PKDCC: variants seen among roughly 807,000 people sequenced by gnomAD.
PKDCC encodes protein kinase domain containing, cytoplasmic.
A neutral mutation model predicts 44.7 loss-of-function variants in PKDCC; 35 were observed. That is an observed-to-expected ratio of 0.78 (90% CI 0.60 to 1.04). The LOEUF is 1.04. Among genes scored for constraint, PKDCC ranks in the 50% least tolerant of loss-of-function variants. The probability of loss-of-function intolerance (pLI) is 0.00; values close to 1 mark genes in which losing one functional copy is unlikely to be tolerated. For synonymous variants in PKDCC, 353 were observed against 303.3 expected (o/e 1.16, Z -1.70); for missense variants, 738 against 672.7 (o/e 1.10, Z -1.07).
At position 42,048,483 on chromosome 2, in the gene PKDCC, C is replaced by A. The variant is rs1667907661; in HGVS notation, c.284C>A (p.Pro95His). The A allele has an allele frequency of 2.3e-5, 24 of 1,039,044 alleles. No individual in the cohort carries two copies. Among genetic ancestry groups the A allele is most frequent in the Non-Finnish European group, 2.8e-5 (24 of 866,844 alleles). 64.4% of individuals were successfully genotyped at this position (1,039,044 alleles called of 1,614,324 possible). A position where few individuals can be genotyped will look rare whatever the true frequency, so the allele number is the denominator to read the frequency against. ...RRLMDLAPGG[P>H]GLPRPRPPWA... ...CTGATGGACCTGGCTCCGGGCGGGC[C>A]CGGCCTGCCGCGCCCCCGGCCCCCT... is the stretch of plus-strand genomic sequence containing the variant. Residue 95 changes from proline to histidine, a missense_variant, in exon 1 of 7, where the codon CCC becomes CAC. Physicochemically the swap from Pro to His is moderately conservative, Grantham distance 77 (BLOSUM62 -2). Coordinates refer to ENST00000294964, the MANE Select transcript of PKDCC (RefSeq NM_138370.3). The surrounding 1 kb of genome is among the most constrained non-coding windows in gnomAD (Gnocchi z 6.2).
At position 42,055,309 on chromosome 2, in the gene PKDCC, G is replaced by A. The variant is rs776740396; in HGVS notation, c.1138G>A (p.Glu380Lys). ...ATGELAWGVDETLAQLEKVLH... is the reference protein window; with the variant it reads ...ATGELAWGVDKTLAQLEKVLH... ...AGGAGAGCTCGCCTGGGGGGTGGAC[G>A]AGACCCTGGCCCAGCTGGAGAAGGT... The change falls in exon 5 of 7, where the codon GAG (glutamate) becomes AAG (lysine). Residue 380 changes from glutamate (E) to lysine (K), a missense_variant. Transcript: ENST00000294964. This position sits in a 1 kb window ranked among gnomAD's most constrained non-coding sequence, Gnocchi z 4.5. 201 of 1,613,358 alleles carry A rather than the reference G, an allele frequency of 1.2e-4. No homozygotes were observed. Among genetic ancestry groups the A allele is most frequent in the Non-Finnish European group, 1.6e-4 (185 of 1,179,968 alleles).
At position 42,048,637 on chromosome 2, in the gene PKDCC, A is replaced by C; in HGVS notation, c.438A>C (p.Ser146=). Residue 146 remains serine (S), a synonymous_variant, in exon 1 of 7, where the codon TCA becomes TCC. Transcript: ENST00000294964. This position sits in a 1 kb window ranked among gnomAD's most constrained non-coding sequence, Gnocchi z 6.2. ...TGTCCGGCGCGCAGTACATGGGCTCAGGCTACACCAAGGCCGTGTACCGGG... is the reference window on the plus strand; with the variant it reads ...TGTCCGGCGCGCAGTACATGGGCTCCGGCTACACCAAGGCCGTGTACCGGG... ...RNVSGAQYMG[S]GYTKAVYRVR... 1 of 1,542,904 alleles carries C rather than the reference A, an allele frequency of 6.5e-7. No individual in the cohort carries two copies. The highest frequency in any genetic ancestry group is 8.7e-7 in the Non-Finnish European group (1 of 1,145,820).
chr2:42,055,008 G>A lies in PKDCC; in HGVS notation c.1102G>A (p.Val368Ile), dbSNP rs766534302. ...ACTGCGTCCTCTGCTGGACAGCATC[G>A]TCAACGCCACAGGTGAGCTCTCCAG... ...PSLRPLLDSI[V>I]NATGELAWGV... The change falls in exon 4 of 7, where the codon GTC becomes ATC. Residue 368 changes from valine to isoleucine, a missense_variant. Coordinates refer to ENST00000294964, the MANE Select transcript of PKDCC (RefSeq NM_138370.3). This position sits in a 1 kb window ranked among gnomAD's most constrained non-coding sequence, Gnocchi z 4.5. 8 of 1,613,696 alleles carry A rather than the reference G, an allele frequency of 5.0e-6. No individual in the cohort carries two copies. In the East Asian group the frequency reaches 6.7e-5, roughly 13 times the overall value.
chr2:42,053,154 G>C (rs553708782), intron 1 of PKDCC, 85 bp from the exon 2 acceptor site: 11 of 1,415,702 alleles, frequency 7.8e-6, no homozygotes, highest in East Asian at 2.3e-5. Context: ...GGTGGGAGGA[G>C]AGAGAGGGGG....
chr2:42,057,854 A>T lies in PKDCC; in HGVS notation c.*166A>T. On this transcript the variant is annotated 3_prime_UTR_variant, in exon 7 of 7. Coordinates refer to ENST00000294964, the MANE Select transcript of PKDCC (RefSeq NM_138370.3). ...ACCAGGACAAACGTGCAATAATGCC[A>T]AATGTTAAAATGTGAGTTTACCAGC... 1 of 614,662 alleles carries T rather than the reference A, an allele frequency of 1.6e-6. No individual in the cohort carries two copies. The highest frequency in any genetic ancestry group is 2.8e-6 in the Non-Finnish European group (1 of 351,486). 38.1% of individuals were successfully genotyped at this position (614,662 alleles called of 1,614,324 possible). A position where few individuals can be genotyped will look rare whatever the true frequency, so the allele number is the denominator to read the frequency against.
In PKDCC at chr2:42,048,408, A is replaced by G. The variant is rs2103921955; in HGVS notation, c.209A>G (p.Tyr70Cys). ...GCGCGCTACGAGGAGGTGCAGCGCT[A>G]TTCCCGCGGGGGCCCCGGGCCCGGG... ...IRARYEEVQR[Y>C]SRGGPGPGAG... Residue 70 changes from tyrosine (Y) to cysteine (C), a missense_variant, in exon 1 of 7, where the codon TAT becomes TGT. Transcript: ENST00000294964. This position sits in a 1 kb window ranked among gnomAD's most constrained non-coding sequence, Gnocchi z 6.2. The G allele has an allele frequency of 3.5e-6, 4 of 1,137,522 alleles. No individual in the cohort carries two copies. The highest frequency in any genetic ancestry group is 4.3e-6 in the Non-Finnish European group (4 of 931,620). 70.5% of individuals were successfully genotyped at this position (1,137,522 alleles called of 1,614,324 possible).
chr2:42,048,311 T>C lies in PKDCC; in HGVS notation c.112T>C (p.Ser38Pro). 1.7e-6 allele frequency: 2 copies of C among 1,203,254 alleles called. No individual in the cohort carries two copies. Among genetic ancestry groups the C allele is most frequent in the South Asian group, 2.8e-5 (1 of 35,178 alleles). 74.5% of individuals were successfully genotyped at this position (1,203,254 alleles called of 1,614,324 possible). Residue 38 changes from serine (S) to proline (P), a missense_variant, in exon 1 of 7, where the codon TCC becomes CCC. By Grantham distance (74) the Ser-to-Pro change is moderately conservative. Coordinates refer to ENST00000294964, the MANE Select transcript of PKDCC (RefSeq NM_138370.3). This position sits in a 1 kb window ranked among gnomAD's most constrained non-coding sequence, Gnocchi z 6.2. ...PGSEPPRPGQ[S>P]PEPSPAPGPG... ...CTCGGAGCCTCCGAGGCCAGGCCAG[T>C]CCCCTGAGCCTTCGCCGGCCCCGGG... is the stretch of plus-strand genomic sequence containing the variant.
Position 42,052,221 on chromosome 2 carries a change from C to A in PKDCC, c.640-1018C>A, listed in dbSNP as rs570802585. Among the ~76,000 whole-genome samples the A allele has an allele frequency of 6.6e-6, 1 of 152,274 alleles. No homozygotes were observed. Among genetic ancestry groups the A allele is most frequent in the East Asian group, 1.9e-4 (1 of 5,178 alleles). On this transcript the variant is annotated intron_variant, in intron 1 of 6. Coordinates refer to ENST00000294964, the MANE Select transcript of PKDCC (RefSeq NM_138370.3). The surrounding 1 kb of genome is among the most constrained non-coding windows in gnomAD (Gnocchi z 4.3). Reference sequence around the variant, plus strand: ...TCACTCACTACCACCCCCACTGATACACATCACTCATATGCAAAACACACC... The same window carrying A: ...TCACTCACTACCACCCCCACTGATAAACATCACTCATATGCAAAACACACC...
At position 42,053,547 on chromosome 2, in the gene PKDCC, C is replaced by T; in HGVS notation, c.762+186C>T. 3 of 774,284 alleles carry T rather than the reference C, an allele frequency of 3.9e-6. No individual in the cohort carries two copies. The South Asian group carries it at 5.9e-5, about 15-fold the overall frequency. 48.0% of individuals were successfully genotyped at this position (774,284 alleles called of 1,614,324 possible). A position where few individuals can be genotyped will look rare whatever the true frequency, so the allele number is the denominator to read the frequency against. ...AGAAGCAAGACTTAAAGGATCCCGA[C>T]ATGCTGTGCTCTTGCCCTCCTCACC... On this transcript the variant is annotated intron_variant, in intron 2 of 6. Transcript: ENST00000294964.
At position 42,052,739 on chromosome 2, in the gene PKDCC, C is replaced by CAAA. The variant is rs567556529; in HGVS notation, c.640-489_640-487dup. 8.7e-6 allele frequency among the ~76,000 whole-genome samples: 1 copy of CAAA among 115,354 alleles called. No individual in the cohort carries two copies. The highest frequency in any genetic ancestry group is 1.9e-5 in the Non-Finnish European group (1 of 53,542). The allele number at this position is 115,354 out of a possible 152,430, so 75.7% of individuals were successfully genotyped here. On this transcript the variant is annotated intron_variant, in intron 1 of 6. Coordinates refer to ENST00000294964, the MANE Select transcript of PKDCC (RefSeq NM_138370.3). This position sits in a 1 kb window ranked among gnomAD's most constrained non-coding sequence, Gnocchi z 4.3. ...CCTGGGCAACAGAGCGAGGCTGTCT[C>CAAA]AAAAAAAAAAAAAGAAAAGAAAAGA...
chr2:42,057,185 A>G (rs1162668541), intron 5 of PKDCC, 36 bp from the exon 6 acceptor site: 4 of 1,607,564 alleles, frequency 2.5e-6, no homozygotes, highest in Middle Eastern at 1.7e-4. Flanking sequence ...ACCTGGGCAT[A>G]CAGAATTCTC....
chr2:42,055,167 C>CCCCACA lies in PKDCC; in HGVS notation c.1115-117_1115-116insCACACC. ...CATTCTGCCGCAACCTCCCCGCTCC[C>CCCCACA]CCGCCCTCTGTTCACTGGGGCACAG... On this transcript the variant is annotated intron_variant, in intron 4 of 6. Transcript: ENST00000294964. The surrounding 1 kb of genome is among the most constrained non-coding windows in gnomAD (Gnocchi z 4.5). 1.6e-6 allele frequency: 2 copies of CCCCACA among 1,274,198 alleles called. No individual in the cohort carries two copies. Among genetic ancestry groups the CCCCACA allele is most frequent in the Non-Finnish European group, 1.1e-6 (1 of 897,268 alleles). 78.9% of individuals were successfully genotyped at this position (1,274,198 alleles called of 1,614,324 possible).
rs1208082301 is a variant in PKDCC at position 42,048,406 on chromosome 2, C to G, written c.207C>G (p.Arg69=). ...QIRARYEEVQ[R]YSRGGPGPGA... ...GGGCGCGCTACGAGGAGGTGCAGCG[C>G]TATTCCCGCGGGGGCCCCGGGCCCG... Residue 69 remains arginine (R), a synonymous_variant, in exon 1 of 7, where the codon CGC becomes CGG. Transcript: ENST00000294964. The surrounding 1 kb of genome is among the most constrained non-coding windows in gnomAD (Gnocchi z 6.2). 2.6e-6 allele frequency: 3 copies of G among 1,151,802 alleles called. No individual in the cohort carries two copies. Among genetic ancestry groups the G allele is most frequent in the East Asian group, 4.3e-5 (1 of 23,408 alleles). The allele number at this position is 1,151,802 out of a possible 1,614,324, so 71.3% of individuals were successfully genotyped here.
rs34939510 is a variant in PKDCC at position 42,056,056 on chromosome 2, T to TG, written c.1222+668dup. Among the ~76,000 whole-genome samples, 34 of 152,102 alleles carry TG rather than the reference T, an allele frequency of 2.2e-4. 1 individual carries two copies. In the East Asian group the frequency reaches 4.4e-3, roughly 20 times the overall value. On this transcript the variant is annotated intron_variant, in intron 5 of 6. Coordinates refer to ENST00000294964, the MANE Select transcript of PKDCC (RefSeq NM_138370.3). Reference sequence around the variant, plus strand: ...AAGGAGTTCTGGCTAGTCTTAGGGGTGGGGGAGCCCTGTTAGCCCTGTAAA... The same window carrying TG: ...AAGGAGTTCTGGCTAGTCTTAGGGGTGGGGGGAGCCCTGTTAGCCCTGTAAA...
At chr2:42,057,545 G>A in intron 6 of PKDCC, 58 bp from the exon 7 acceptor site, 1 of 1,583,374 alleles carries the variant, frequency 6.3e-7, no homozygotes, top group South Asian at 1.1e-5. Flanking sequence ...AGGGAGAATG[G>A]TCTTGCCTCC....
chr2:42,048,238 C>T lies in PKDCC; in HGVS notation c.39C>T (p.Cys13=). The change falls in exon 1 of 7, where the codon TGC becomes TGT. Residue 13 remains cysteine, a synonymous_variant. Transcript: ENST00000294964. This position sits in a 1 kb window ranked among gnomAD's most constrained non-coding sequence, Gnocchi z 6.2. ...RRRAAVAAGF[C]ASFLLGSVLN... ...GGGCGGCAGTGGCCGCGGGTTTCTG[C>T]GCCTCCTTCCTGCTGGGCTCCGTCC... The T allele has an allele frequency of 5.5e-6, 7 of 1,264,498 alleles. No homozygotes were observed. The highest frequency in any genetic ancestry group is 6.0e-6 in the Non-Finnish European group (6 of 993,094). The allele number at this position is 1,264,498 out of a possible 1,614,324, so 78.3% of individuals were successfully genotyped here. A position where few individuals can be genotyped will look rare whatever the true frequency, so the allele number is the denominator to read the frequency against.
intron 5 of PKDCC, among the ~76,000 whole-genome samples, chr2:42,056,945 T>C (rs1668066894): frequency 6.6e-6 from 1 of 152,178 alleles, no homozygotes; most frequent in Non-Finnish European, 1.5e-5. Flanking sequence ...ACCCCTTTCA[T>C]GTGCCTGCTA....
chr2:42,054,149 A>C lies in PKDCC; in HGVS notation c.876A>C (p.Lys292Asn). 1 of 1,613,340 alleles carries C rather than the reference A, an allele frequency of 6.2e-7. No homozygotes were observed. Among genetic ancestry groups the C allele is most frequent in the Non-Finnish European group, 8.5e-7 (1 of 1,179,726 alleles). ...TTGTGCTGGTGGATGGGGAGCTCAA[A>C]GTGACGGACCTGGATGACGCACGTG... ...RQFVLVDGEL[K>N]VTDLDDARVE... The change falls in exon 3 of 7, where the codon AAA (lysine) becomes AAC (asparagine). Residue 292 changes from lysine (K) to asparagine (N), a missense_variant. Lys to Asn is a moderately conservative substitution (Grantham distance 94). Transcript: ENST00000294964. The surrounding 1 kb of genome is among the most constrained non-coding windows in gnomAD (Gnocchi z 6.1).
At chr2:42,049,085 C>T (rs542770034) in intron 1 of PKDCC, among the ~76,000 whole-genome samples, 1 of 152,112 alleles carries the variant, frequency 6.6e-6, no homozygotes, top group Non-Finnish European at 1.5e-5. Flanking sequence ...CAGGCCAGGA[C>T]AGAGGCTCCC....
Sources: gnomAD v4.1 joint callset for allele counts (sites outside exome capture counted in the v4.1 genomes callset) on GRCh38, gnomAD v4.1.1 for gene constraint, Gnocchi (gnomAD v3.1) non-coding constraint, MANE v1.5 for transcripts, NCBI Gene and HGNC (gene_info 2026-07-23, HGNC 2026-07-21) for gene names.